CALCOCO1: variants seen among roughly 807,000 people sequenced by gnomAD.
CALCOCO1 encodes calcium binding and coiled-coil domain 1.
A neutral mutation model predicts 86.3 loss-of-function variants in CALCOCO1; 44 were observed. The ratio of observed to expected loss-of-function variants is 0.51; its 90% confidence interval spans 0.40 to 0.66. The LOEUF (loss-of-function observed/expected upper bound fraction) is 0.66, where lower values mean the gene tolerates loss of function less well. CALCOCO1 is among the 30% of genes least tolerant of loss of function. The pLI, the probability that CALCOCO1 is intolerant of heterozygous loss-of-function variation, is 0.00. For synonymous variants in CALCOCO1, 297 were observed against 327.6 expected (o/e 0.91, Z 1.01); for missense variants, 708 against 851.1 (o/e 0.83, Z 2.09).
At chr12:53,719,191 T>C (rs746348287) in intron 7 of CALCOCO1, among the ~76,000 whole-genome samples, 3 of 151,900 alleles carry the variant, frequency 2.0e-5, no homozygotes, top group Non-Finnish European at 2.9e-5. Context: ...TAACAAGATG[T>C]GTACTCATAC....
chr12:53,723,731 G>T lies in CALCOCO1; in HGVS notation c.312C>A (p.Asn104Lys). The T allele has an allele frequency of 1.2e-6, 2 of 1,614,216 alleles. No homozygotes were observed. Among genetic ancestry groups the T allele is most frequent in the Non-Finnish European group, 1.7e-6 (2 of 1,180,038 alleles). Residue 104 changes from asparagine (N) to lysine (K), a missense_variant, in exon 4 of 15, where the codon AAC becomes AAA. Physicochemically the swap from Asn to Lys is moderately conservative, Grantham distance 94. Coordinates refer to ENST00000550804, the MANE Select transcript of CALCOCO1 (RefSeq NM_020898.3). ...GAQLYQFRYV[N>K]RQGQVCGQSP... The stretch of plus-strand genomic sequence containing the variant: ...TCTGCCCACACACCTGGCCCTGGCG[G>T]TTCACATATCGGAACTGGTAGAGCT...
In CALCOCO1 at chr12:53,723,714, C is replaced by T; in HGVS notation, c.329G>A (p.Cys110Tyr). 1 of 1,614,218 alleles carries T rather than the reference C, an allele frequency of 6.2e-7. No homozygotes were observed. The highest frequency in any genetic ancestry group is 8.5e-7 in the Non-Finnish European group (1 of 1,180,036). Residue 110 changes from cysteine to tyrosine, a missense_variant, in exon 4 of 15, where the codon TGT becomes TAT. Transcript: ENST00000550804. ...FRYVNRQGQV[C>Y]GQSPPFQFRE... ...GAACTGGAAAGGGGGGCTCTGCCCA[C>T]ACACCTGGCCCTGGCGGTTCACATA...
At chr12:53,719,861 C>G (rs768411864) in intron 6 of CALCOCO1, 32 bp from the exon 7 acceptor site, 2 of 1,459,288 alleles carry the variant, frequency 1.4e-6, no homozygotes, top group Admixed American at 1.7e-5. Flanking sequence ...GTCAGACAAT[C>G]TGCTCCACCC....
At chr12:53,722,324 A>G in intron 4 of CALCOCO1, 141 bp from the exon 5 acceptor site, 1 of 884,202 alleles carries the variant, frequency 1.1e-6, no homozygotes, top group South Asian at 1.6e-5. Context: ...GGGGATGCTC[A>G]GTGTGCTACC....
In CALCOCO1 at chr12:53,710,953, C is replaced by T. The variant is rs763440026; in HGVS notation, c.*991G>A. ...TGAGACAACCCACTCATGGCCAGCA[C>T]ACCAGGAGGCACGACAGGACAGTAA... On this transcript the variant is annotated 3_prime_UTR_variant, in exon 15 of 15. Coordinates refer to ENST00000550804, the MANE Select transcript of CALCOCO1 (RefSeq NM_020898.3). The T allele has an allele frequency of 4.5e-5, 13 of 291,938 alleles. No individual in the cohort carries two copies. Among genetic ancestry groups the T allele is most frequent in the Non-Finnish European group, 7.5e-5 (12 of 159,858 alleles). The allele number at this position is 291,938 out of a possible 1,614,324, so 18.1% of individuals were successfully genotyped here.
rs749907336 is a variant in CALCOCO1, at chr12:53,724,245, C to G, written c.259+400G>C. On this transcript the variant is annotated intron_variant, in intron 3 of 14. Transcript: ENST00000550804. The stretch of plus-strand genomic sequence containing the variant: ...TAATGTCCCTATAAGCCAGGCATCC[C>G]CTTTTACTGTTAAGATAACCGACAC... 5 of 399,202 alleles carry G rather than the reference C, an allele frequency of 1.3e-5. 1 individual carries two copies. The highest frequency in any genetic ancestry group is 9.7e-6 in the Non-Finnish European group (2 of 205,312). 24.7% of individuals were successfully genotyped at this position (399,202 alleles called of 1,614,324 possible).
intron 6 of CALCOCO1, among the ~76,000 whole-genome samples, chr12:53,720,374 C>T (rs941184): frequency 0.036 from 5,443 of 152,274 alleles, 247 homozygotes; most frequent in East Asian, 0.14. Flanking sequence ...TCACATGTCA[C>T]AAAATATTCT....
In CALCOCO1 at chr12:53,711,586, G is replaced by GT; in HGVS notation, c.*357dup. 1 of 288,020 alleles carries GT rather than the reference G, an allele frequency of 3.5e-6. No individual in the cohort carries two copies. 17.8% of individuals were successfully genotyped at this position (288,020 alleles called of 1,614,324 possible). ...GCTTTGGGGCATCAGACAAGGGAGT[G>GT]TGAGTGTGAGTGTGTGTGTGCAGTG... On this transcript the variant is annotated 3_prime_UTR_variant, in exon 15 of 15. Coordinates refer to ENST00000550804, the MANE Select transcript of CALCOCO1 (RefSeq NM_020898.3).
intron 2 of CALCOCO1, 115 bp from the exon 3 acceptor site, chr12:53,724,862 G>T: frequency 1.1e-6 from 1 of 891,446 alleles, no homozygotes; most frequent in South Asian, 1.7e-5. Context: ...TGGCAACAAT[G>T]ACAAGAGAAA....
chr12:53,721,697 AC>A, intron 5 of CALCOCO1, 82 bp from the exon 6 acceptor site: 2 of 1,540,288 alleles, frequency 1.3e-6, no homozygotes, highest in Non-Finnish European at 1.8e-6. Flanking sequence ...GGAAGAGCAC[AC>A]CAGGGTCTGA....
At chr12:53,714,752 C>CCCAGAGTCCAGGT in intron 10 of CALCOCO1, 59 bp from the exon 11 acceptor site, 2 of 1,279,086 alleles carry the variant, frequency 1.6e-6, no homozygotes, top group Non-Finnish European at 2.3e-6. Flanking sequence ...AGAACCTGGA[C>CCCAGAGTCCAGGT]TCTGGGACCA....
chr12:53,715,369 G>C, intron 9 of CALCOCO1, 44 bp from the exon 10 acceptor site: 1 of 1,611,616 alleles, frequency 6.2e-7, no homozygotes, highest in Admixed American at 1.7e-5. Flanking sequence ...GGAGGGGGAA[G>C]AAAAAGGAAC....
intron 5 of CALCOCO1, 74 bp downstream of exon 5, chr12:53,721,951 C>G: frequency 6.5e-7 from 1 of 1,549,184 alleles, no homozygotes; most frequent in South Asian, 1.1e-5. Flanking sequence ...TCTCCTTCAC[C>G]CTCTTCACTG....
In CALCOCO1 at chr12:53,710,150, A is replaced by G. The variant is rs1945519548; in HGVS notation, c.*1794T>C. 1 of 152,218 alleles carries G rather than the reference A, an allele frequency of 6.6e-6. No individual in the cohort carries two copies. Among genetic ancestry groups the G allele is most frequent in the African/African-American group, 2.4e-5 (1 of 41,436 alleles). 9.4% of individuals were successfully genotyped at this position (152,218 alleles called of 1,614,324 possible). ...ATTCTATTAATTAAATCATTGTTAT[A>G]ATTAACTTTCATTAAAGGAGGATCA... On this transcript the variant is annotated 3_prime_UTR_variant, in exon 15 of 15. Transcript: ENST00000550804.
At position 53,711,395 on chromosome 12, in the gene CALCOCO1, A is replaced by T. The variant is rs1945546358; in HGVS notation, c.*549T>A. 1 of 389,070 alleles carries T rather than the reference A, an allele frequency of 2.6e-6. No individual in the cohort carries two copies. The highest frequency in any genetic ancestry group is 4.5e-6 in the Non-Finnish European group (1 of 220,658). 24.1% of individuals were successfully genotyped at this position (389,070 alleles called of 1,614,324 possible). A position where few individuals can be genotyped will look rare whatever the true frequency, so the allele number is the denominator to read the frequency against. ...GTTATGGAAAAGGCTAGGGTGGGGC[A>T]CAGAAGTCAATGGGGGAACAGAAAG... On this transcript the variant is annotated 3_prime_UTR_variant, in exon 15 of 15. Coordinates refer to ENST00000550804, the MANE Select transcript of CALCOCO1 (RefSeq NM_020898.3).
intron 3 of CALCOCO1, chr12:53,724,430 C>T: frequency 3.7e-6 from 2 of 542,890 alleles, no homozygotes; most frequent in East Asian, 3.3e-5. Context: ...ACTAGATGCC[C>T]TCTGAAGTTC....
At chr12:53,721,912 C>A in intron 5 of CALCOCO1, 113 bp downstream of exon 5, 1 of 1,259,860 alleles carries the variant, frequency 7.9e-7, no homozygotes, top group Non-Finnish European at 1.1e-6. Flanking sequence ...TCCTTGATGC[C>A]AGAACCATTG....
At chr12:53,721,064 T>C (rs916137238) in intron 6 of CALCOCO1, among the ~76,000 whole-genome samples, 7 of 152,218 alleles carry the variant, frequency 4.6e-5, no homozygotes, top group African/African-American at 9.6e-5. Context: ...AGAGATTCCA[T>C]AACATTCCTG....
At chr12:53,714,443 C>T (rs971952610) in intron 11 of CALCOCO1, among the ~76,000 whole-genome samples, 155 bp downstream of exon 11, 6 of 152,206 alleles carry the variant, frequency 3.9e-5, no homozygotes, top group Non-Finnish European at 7.3e-5. Flanking sequence ...AGAGATCATC[C>T]GCTGTCCTGC....
Sources: allele counts gnomAD v4.1 joint callset (sites outside exome capture counted in the v4.1 genomes callset), GRCh38; gene constraint gnomAD v4.1.1; transcripts MANE v1.5; gene names NCBI Gene and HGNC (gene_info 2026-07-23, HGNC 2026-07-21).